Variants in CLYBL observed in about 807,000 individuals in gnomAD.
CLYBL encodes the protein citramalyl-CoA lyase, mitochondrial.
A neutral mutation model predicts 38.9 loss-of-function variants in CLYBL; 31 were observed. The observed-to-expected ratio is 0.80, with a 90% CI of 0.60 to 1.08. The LOEUF is 1.08. CLYBL is among the 50% of genes least tolerant of loss of function. The probability of loss-of-function intolerance (pLI) is 0.00; values close to 1 mark genes in which losing one functional copy is unlikely to be tolerated. For missense variants in CLYBL, 434 were observed against 411.6 expected, an observed-to-expected ratio of 1.05 and a Z score of -0.47; for synonymous variants, 171 against 158.6, an observed-to-expected ratio of 1.08 and a Z score of -0.59.
chr13:99,905,162 A>G (rs141541129), intron 8 of CLYBL, among the ~76,000 whole-genome samples: 141 of 152,290 alleles, frequency 9.3e-4, no homozygotes, highest in African/African-American at 3.3e-3. Context: ...GATCACAACT[A>G]TCTGCCTTGG....
chr13:99,649,657 G>A (rs901887673), intron 1 of CLYBL, among the ~76,000 whole-genome samples: 1 of 151,244 alleles, frequency 6.6e-6, no homozygotes, highest in East Asian at 2.0e-4. Context: ...CTTGAGCCGG[G>A]AGCATGAGAC....
intron 1 of CLYBL, among the ~76,000 whole-genome samples, chr13:99,725,084 G>C (rs536247913): frequency 6.6e-6 from 1 of 152,088 alleles, no homozygotes; most frequent in Non-Finnish European, 1.5e-5. Flanking sequence ...AGCATTTCTC[G>C]GGCCTACTTG....
At chr13:99,797,400 T>A (rs1321638744) in intron 2 of CLYBL, among the ~76,000 whole-genome samples, 19 of 152,220 alleles carry the variant, frequency 1.2e-4, no homozygotes, top group Non-Finnish European at 2.9e-5. Flanking sequence ...AAGCATTCCA[T>A]GTTAACAGAA....
At chr13:99,843,937 A>T (rs1013124468) in intron 2 of CLYBL, among the ~76,000 whole-genome samples, 7 of 152,214 alleles carry the variant, frequency 4.6e-5, no homozygotes, top group Non-Finnish European at 8.8e-5. Context: ...GAATTGGCCT[A>T]TCCATGCAAT....
intron 1 of CLYBL, among the ~76,000 whole-genome samples, chr13:99,687,100 G>T (rs1257451877): frequency 6.6e-6 from 1 of 152,190 alleles, no homozygotes; most frequent in Non-Finnish European, 1.5e-5. Context: ...GCAAGACTAA[G>T]GTGTAGCTCC....
intron 1 of CLYBL, among the ~76,000 whole-genome samples, chr13:99,682,680 T>G (rs2047754091): frequency 6.6e-6 from 1 of 152,090 alleles, no homozygotes; most frequent in Non-Finnish European, 1.5e-5. Context: ...TATACTACAT[T>G]TATTAAAAAA....
At chr13:99,705,243 G>GCA (rs141979381) in intron 1 of CLYBL, among the ~76,000 whole-genome samples, 9,985 of 149,896 alleles carry the variant, frequency 0.067, 434 homozygotes, top group African/African-American at 0.12. Flanking sequence ...GTGTACACAT[G>GCA]CACACACACA....
rs1208779291 is a variant in CLYBL at position 99,892,569 on chromosome 13, G to A, written c.*151G>A. 1 of 152,616 alleles carries A rather than the reference G, an allele frequency of 6.6e-6. No homozygotes were observed. The highest frequency in any genetic ancestry group is 2.4e-5 in the African/African-American group (1 of 41,442). The allele number at this position is 152,616 out of a possible 1,614,324, so 9.5% of individuals were successfully genotyped here. A position where few individuals can be genotyped will look rare whatever the true frequency, so the allele number is the denominator to read the frequency against. ...ATTAAATCATGAGCTTTTGTGCCGA[G>A]ACTCTGGACGACTGTTCCTTAAGAA... On this transcript the variant is annotated 3_prime_UTR_variant, in exon 9 of 9. Transcript: ENST00000339105.
intron 1 of CLYBL, among the ~76,000 whole-genome samples, chr13:99,746,965 A>G (rs573097684): frequency 6.6e-6 from 1 of 152,210 alleles, no homozygotes; most frequent in African/African-American, 2.4e-5. Context: ...TGCTAATCGC[A>G]TTGTGTGCCT....
intron 2 of CLYBL, among the ~76,000 whole-genome samples, chr13:99,786,074 C>A (rs1227450870): frequency 4.0e-5 from 6 of 151,884 alleles, no homozygotes; most frequent in African/African-American, 1.2e-4. Context: ...GGTTAATATT[C>A]AGTGTAAAAA....
intron 2 of CLYBL, among the ~76,000 whole-genome samples, chr13:99,786,315 T>C (rs1286942225): frequency 1.5e-4 from 23 of 151,936 alleles, no homozygotes. Flanking sequence ...CATTAACTTG[T>C]CATTTACATT....
rs915353926 is a variant in CLYBL at position 99,861,501 on chromosome 13, C to A, written c.439-1490C>A. On this transcript the variant is annotated intron_variant, in intron 3 of 8. Transcript: ENST00000339105. ...ACCACTAATACTGTGCTACCACTTTCTAGCATAAATGAGAAATAAATTATA... is the reference window on the plus strand; with the variant it reads ...ACCACTAATACTGTGCTACCACTTTATAGCATAAATGAGAAATAAATTATA... Among the ~76,000 whole-genome samples, 5 of 152,206 alleles carry A rather than the reference C, an allele frequency of 3.3e-5. No individual in the cohort carries two copies. In the South Asian group the frequency reaches 6.2e-4, roughly 19 times the overall value.
intron 1 of CLYBL, among the ~76,000 whole-genome samples, chr13:99,752,893 C>G (rs558915105): frequency 6.6e-6 from 1 of 152,254 alleles, no homozygotes; most frequent in African/African-American, 2.4e-5. Context: ...GAAAAATTCT[C>G]TGAACCCAGT....
At position 99,864,843 on chromosome 13, in the gene CLYBL, T is replaced by C; in HGVS notation, c.566T>C (p.Val189Ala). 6.2e-7 allele frequency: 1 copy of C among 1,613,928 alleles called. No individual in the cohort carries two copies. Among genetic ancestry groups the C allele is most frequent in the Non-Finnish European group, 8.5e-7 (1 of 1,179,876 alleles). The change falls in exon 5 of 9, where the codon GTC becomes GCC. Residue 189 changes from valine (V) to alanine (A), a missense_variant. Val to Ala is a moderately conservative substitution (Grantham distance 64). Coordinates refer to ENST00000339105, the MANE Select transcript of CLYBL (RefSeq NM_206808.5). ...FKAVCEETLK[V>A]GPQVGLFLDA... Reference sequence around the variant, plus strand: ...GCAGTGTGTGAAGAAACCCTGAAGGTCGGGCCTCAAGTAGGTCTCTTTCTA... The same window carrying C: ...GCAGTGTGTGAAGAAACCCTGAAGGCCGGGCCTCAAGTAGGTCTCTTTCTA...
intron 2 of CLYBL, among the ~76,000 whole-genome samples, chr13:99,841,695 C>T (rs896470349): frequency 1.1e-4 from 17 of 152,176 alleles, no homozygotes; most frequent in Non-Finnish European, 2.2e-4. Flanking sequence ...CCACTGCGCC[C>T]GGCCACACAC....
chr13:99,824,257 G>GCGC (rs66867477), intron 2 of CLYBL, among the ~76,000 whole-genome samples: 1 of 130,516 alleles, frequency 7.7e-6, no homozygotes, highest in South Asian at 2.7e-4. Context: ...CTGACTAATA[G>GCGC]CCCCCCCCAC....
At chr13:99,820,758 A>G (rs1424029088) in intron 2 of CLYBL, among the ~76,000 whole-genome samples, 1 of 152,206 alleles carries the variant, frequency 6.6e-6, no homozygotes, top group Non-Finnish European at 1.5e-5. Flanking sequence ...GTGTGAACTC[A>G]GATTAGAGGA....
intron 2 of CLYBL, among the ~76,000 whole-genome samples, chr13:99,779,957 T>G (rs1208146617): frequency 1.3e-5 from 2 of 152,184 alleles, no homozygotes; most frequent in Non-Finnish European, 2.9e-5. Context: ...AAAGTATATT[T>G]TCTACTTACT....
chr13:99,730,739 G>A (rs7319987), intron 1 of CLYBL, among the ~76,000 whole-genome samples: 3,557 of 152,168 alleles, frequency 0.023, 132 homozygotes, highest in African/African-American at 0.081. Flanking sequence ...AGGCAGTGCC[G>A]ACCATCCTGC....
Sources: gnomAD v4.1 joint callset for allele counts (sites outside exome capture counted in the v4.1 genomes callset) on GRCh38, gnomAD v4.1.1 for gene constraint, MANE v1.5 for transcripts, NCBI Gene and HGNC (gene_info 2026-07-23, HGNC 2026-07-21) for gene names.